ABCC8: variants seen among roughly 807,000 people sequenced by gnomAD.
The protein encoded by ABCC8 is ATP-binding cassette sub-family C member 8.
A neutral mutation model predicts 188.0 loss-of-function variants in ABCC8; 137 were observed. The ratio of observed to expected loss-of-function variants is 0.73; its 90% CI spans 0.63 to 0.84. The LOEUF (loss-of-function observed/expected upper bound fraction) is 0.84. ABCC8 is among the 40% of genes least tolerant of loss of function. ABCC8 has a pLI of 0.00. For synonymous variants in ABCC8, 797 were observed against 846.5 expected, an observed-to-expected ratio of 0.94 and a Z score of 1.01; for missense variants, 1,750 against 2,072.7, an observed-to-expected ratio of 0.84 and a Z score of 3.02.
intron 10 of ABCC8, among the ~76,000 whole-genome samples, chr11:17,439,000 T>A (rs920987031): frequency 1.5e-4 from 23 of 152,222 alleles, no homozygotes; most frequent in Non-Finnish European, 1.2e-4. Flanking sequence ...GCCACACTGT[T>A]CTGTGCATGT....
rs765922155 is a variant in ABCC8, at chr11:17,404,496, C to T, written c.3557+16G>A. 4 of 1,611,350 alleles carry T rather than the reference C, an allele frequency of 2.5e-6. No individual in the cohort carries two copies. The South Asian group carries it at 4.4e-5, about 18-fold the overall frequency. Reference sequence around the variant, plus strand: ...ATTGCAAAGCACCTCCCACCCCTCACCCCTGAGGCCATCACCTGGACGCCA... The same window carrying T: ...ATTGCAAAGCACCTCCCACCCCTCATCCCTGAGGCCATCACCTGGACGCCA... On this transcript the variant is annotated intron_variant, in intron 28 of 38. Transcript: ENST00000389817. This position sits in a 1 kb window ranked among gnomAD's most constrained non-coding sequence, Gnocchi z 4.7.
intron 12 of ABCC8, chr11:17,429,887 C>T (rs1480230024): frequency 1.3e-5 from 2 of 152,358 alleles, no homozygotes; most frequent in East Asian, 3.9e-4. Context: ...TGCCCCATTC[C>T]ATCTTTGAAC....
chr11:17,392,898 A>G lies in ABCC8; in HGVS notation c.*93T>C. The G allele has an allele frequency of 3.4e-6, 5 of 1,461,894 alleles. No homozygotes were observed. The highest frequency in any genetic ancestry group is 4.8e-6 in the Non-Finnish European group (5 of 1,050,130). The allele number at this position is 1,461,894 out of a possible 1,614,324, so 90.6% of individuals were successfully genotyped here. Reference sequence around the variant, plus strand: ...TAGGGCCTCTAGTAGGAAATAATCAAATCTATTTATTTACAAGTGATTTAC... The same window carrying G: ...TAGGGCCTCTAGTAGGAAATAATCAGATCTATTTATTTACAAGTGATTTAC... On this transcript the variant is annotated 3_prime_UTR_variant, in exon 39 of 39. Coordinates refer to ENST00000389817, the MANE Select transcript of ABCC8 (RefSeq NM_000352.6).
intron 38 of ABCC8, 101 bp from the exon 39 acceptor site, chr11:17,393,229 G>C: frequency 6.7e-7 from 1 of 1,500,194 alleles, no homozygotes. Context: ...GGAGGAGGAT[G>C]AGGCATGTGG....
chr11:17,407,293 G>C, intron 24 of ABCC8, 61 bp downstream of exon 24: 1 of 1,613,448 alleles, frequency 6.2e-7, no homozygotes, highest in Non-Finnish European at 8.5e-7. Flanking sequence ...CCAAACCTTA[G>C]CCTCTCTGTG....
rs1956403364 is a variant in ABCC8, at chr11:17,443,414, GC to G, written c.1333-103del. 1.6e-5 allele frequency: 26 copies of G among 1,591,070 alleles called. No individual in the cohort carries two copies. In the Admixed American group the frequency reaches 4.5e-4, roughly 27 times the overall value. ...TCCCCAGTCCCCTAGAGTGGGACAA[GC>G]CTTGGTGCCCAGGTTTCCAAATTAT... On this transcript the variant is annotated intron_variant, in intron 8 of 38. Transcript: ENST00000389817.
intron 16 of ABCC8, 103 bp downstream of exon 16, chr11:17,426,946 A>C: frequency 2.2e-6 from 3 of 1,350,380 alleles, no homozygotes; most frequent in Non-Finnish European, 3.1e-6. Flanking sequence ...GTCCTCACTG[A>C]ACACAGAGTG....
chr11:17,414,062 T>C lies in ABCC8; in HGVS notation c.2390+450A>G, dbSNP rs1410944416. Among the ~76,000 whole-genome samples the C allele has an allele frequency of 2.0e-5, 3 of 152,186 alleles. No individual in the cohort carries two copies. In the East Asian group the frequency reaches 5.8e-4, roughly 29 times the overall value. On this transcript the variant is annotated intron_variant, in intron 19 of 38. Coordinates refer to ENST00000389817, the MANE Select transcript of ABCC8 (RefSeq NM_000352.6). ...TGGTTCTTCATCTGTAGAGTGGGAA[T>C]AACAATAATATCTACCTACTGAGGT...
chr11:17,393,644 A>T, intron 38 of ABCC8, 53 bp downstream of exon 38: 1 of 1,611,842 alleles, frequency 6.2e-7, no homozygotes. Flanking sequence ...CGGCCACAAC[A>T]GGCCAGTCCT....
intron 23 of ABCC8, 64 bp from the exon 24 acceptor site, chr11:17,407,517 T>A (rs1427121136): frequency 1.9e-6 from 3 of 1,610,042 alleles, no homozygotes; most frequent in Non-Finnish European, 2.5e-6. Context: ...GAAGGGGAAG[T>A]TAAGGGGTAA....
chr11:17,414,818 A>G (rs1306555202), intron 18 of ABCC8: 1 of 512,750 alleles, frequency 2.0e-6, no homozygotes, highest in East Asian at 1.5e-4. Context: ...GGGCAGCAGG[A>G]CCTCATCCCC....
At chr11:17,396,028 C>G (rs181403472) in intron 33 of ABCC8, 98 bp from the exon 34 acceptor site, 1 of 1,537,170 alleles carries the variant, frequency 6.5e-7, no homozygotes, top group Admixed American at 2.0e-5. Flanking sequence ...TGGGAGGTCA[C>G]AGGGTATCTT....
At chr11:17,411,901 T>A (rs2133466815) in intron 21 of ABCC8, among the ~76,000 whole-genome samples, 1 of 151,176 alleles carries the variant, frequency 6.6e-6, no homozygotes, top group Non-Finnish European at 1.5e-5. Flanking sequence ...CTTTTTTTTT[T>A]TTTTTTTTTT....
chr11:17,438,209 C>T (rs1490836371), intron 10 of ABCC8, among the ~76,000 whole-genome samples: 1 of 152,198 alleles, frequency 6.6e-6, no homozygotes, highest in Admixed American at 6.5e-5. Context: ...AGCGCCTCCA[C>T]TGAGGAGGAC....
At chr11:17,458,569 G>C (rs559421130) in intron 6 of ABCC8, among the ~76,000 whole-genome samples, 1 of 152,194 alleles carries the variant, frequency 6.6e-6, no homozygotes. Flanking sequence ...ATCGCCAATG[G>C]GGGTATTCTG....
intron 2 of ABCC8, among the ~76,000 whole-genome samples, chr11:17,473,662 C>A (rs1197299793): frequency 6.6e-6 from 1 of 152,144 alleles, no homozygotes; most frequent in African/African-American, 2.4e-5. Flanking sequence ...TGGCTGCTCC[C>A]GCTCCTCTTC....
chr11:17,406,856 T>G, intron 25 of ABCC8, 32 bp downstream of exon 25: 1 of 1,613,940 alleles, frequency 6.2e-7, no homozygotes, highest in Non-Finnish European at 8.5e-7. Flanking sequence ...CCATCCCCAC[T>G]CCCAACCTCT....
intron 4 of ABCC8, among the ~76,000 whole-genome samples, chr11:17,463,217 C>A (rs1297901620): frequency 6.6e-6 from 1 of 152,178 alleles, no homozygotes; most frequent in Non-Finnish European, 1.5e-5. Flanking sequence ...ACCCATCACC[C>A]CCCTCTCCCT....
intron 21 of ABCC8, among the ~76,000 whole-genome samples, chr11:17,412,439 T>C (rs1020023656): frequency 3.3e-5 from 5 of 151,690 alleles, no homozygotes; most frequent in South Asian, 2.1e-4. Context: ...CCTCTCCTCA[T>C]TGGCTACTGC....
Sources: gnomAD v4.1 joint callset for allele counts (sites outside exome capture counted in the v4.1 genomes callset) on GRCh38, gnomAD v4.1.1 for gene constraint, Gnocchi (gnomAD v3.1) non-coding constraint, MANE v1.5 for transcripts, NCBI Gene and HGNC (gene_info 2026-07-23, HGNC 2026-07-21) for gene names.